ANK1: variants seen among roughly 807,000 people sequenced by gnomAD.
ANK1 encodes ankyrin-1.
Under a neutral mutation model 210.4 loss-of-function variants are expected in ANK1, and 51 were observed. That is an observed-to-expected ratio of 0.24 (90% CI 0.19 to 0.31). The LOEUF (loss-of-function observed/expected upper bound fraction) is 0.31, where lower values mean the gene tolerates loss of function less well. Ranked by LOEUF, ANK1 falls within the 10% of genes least tolerant of loss-of-function variation. The pLI is 1.00. For synonymous variants in ANK1, 967 were observed against 1,025.9 expected (o/e 0.94, Z 1.10); for missense variants, 2,051 against 2,504.4 (o/e 0.82, Z 3.86).
At chr8:41,879,224 G>A (rs1229452405) in intron 1 of ANK1, among the ~76,000 whole-genome samples, 1 of 151,998 alleles carries the variant, frequency 6.6e-6, no homozygotes, top group Non-Finnish European at 1.5e-5. Flanking sequence ...TAATCAGTGG[G>A]GACCCCAGCT....
rs547425838 is a variant in ANK1 at position 41,766,859 on chromosome 8, C to T, written c.28-8722G>A. Among the ~76,000 whole-genome samples, 269 of 152,310 alleles carry T rather than the reference C, an allele frequency of 1.8e-3. 1 individual carries two copies. The highest frequency in any genetic ancestry group is 2.2e-3 in the Non-Finnish European group (153 of 68,024). The stretch of plus-strand genomic sequence containing the variant: ...TTCCTGCTACCTGGGGGCCTCCGGG[C>T]GCCTCACGTTTCTGAGTTTTAGGGG... On this transcript the variant is annotated intron_variant, in intron 1 of 42. Coordinates refer to ENST00000289734, the MANE Select transcript of ANK1 (RefSeq NM_000037.4).
At chr8:41,833,383 G>T (rs964892785) in intron 1 of ANK1, among the ~76,000 whole-genome samples, 1 of 152,204 alleles carries the variant, frequency 6.6e-6, no homozygotes, top group Non-Finnish European at 1.5e-5. Flanking sequence ...TGTAGGGAAG[G>T]GGGTGGTGCC....
Position 41,653,665 on chromosome 8 carries a change from ATCGG to A in ANK1, c.*2121_*2124del, listed in dbSNP as rs1804775126. The stretch of plus-strand genomic sequence containing the variant: ...CCCAGCTTCCTTGGGCCGTCACCGA[ATCGG>A]TCCCAGCCGCGCTGTGCGGCCCCCC... On this transcript the variant is annotated 3_prime_UTR_variant, in exon 43 of 43. Coordinates refer to ENST00000289734, the MANE Select transcript of ANK1 (RefSeq NM_000037.4). 6.6e-6 allele frequency: 1 copy of A among 152,364 alleles called. No individual in the cohort carries two copies. The highest frequency in any genetic ancestry group is 2.4e-5 in the African/African-American group (1 of 41,454). The allele number at this position is 152,364 out of a possible 1,614,324, so 9.4% of individuals were successfully genotyped here.
intron 1 of ANK1, among the ~76,000 whole-genome samples, chr8:41,813,880 T>C (rs1802872788): frequency 6.6e-6 from 1 of 152,106 alleles, no homozygotes; most frequent in Non-Finnish European, 1.5e-5. Context: ...ACCACATCAG[T>C]TGTTTGTTTT....
At chr8:41,740,051 C>A (rs550963611) in intron 2 of ANK1, among the ~76,000 whole-genome samples, 5 of 152,114 alleles carry the variant, frequency 3.3e-5, no homozygotes, top group African/African-American at 9.6e-5. Context: ...CAATCCTTCC[C>A]CCTTCTCTGT....
intron 33 of ANK1, among the ~76,000 whole-genome samples, chr8:41,689,704 T>C (rs1379803092): frequency 1.3e-5 from 2 of 152,182 alleles, no homozygotes; most frequent in East Asian, 1.9e-4. Context: ...AAGACTCCTT[T>C]GCTGAGCTCA....
At chr8:41,760,433 T>C (rs57422201) in intron 1 of ANK1, among the ~76,000 whole-genome samples, 1,762 of 152,328 alleles carry the variant, frequency 0.012, 36 homozygotes, top group African/African-American at 0.041. Context: ...TCTGCCATGA[T>C]TGTAAGGCCT....
chr8:41,794,000 T>C (rs537743079), intron 1 of ANK1, among the ~76,000 whole-genome samples: 1 of 152,318 alleles, frequency 6.6e-6, no homozygotes, highest in South Asian at 2.1e-4. Context: ...TGAGAACGGT[T>C]GTACTACAAT....
chr8:41,891,510 C>T (rs977474820), intron 1 of ANK1, among the ~76,000 whole-genome samples: 5 of 152,180 alleles, frequency 3.3e-5, no homozygotes, highest in Non-Finnish European at 5.9e-5. Context: ...TCACAGTCAC[C>T]CTTCACAGAG....
chr8:41,773,467 C>T (rs1843367248), intron 1 of ANK1, among the ~76,000 whole-genome samples: 1 of 152,176 alleles, frequency 6.6e-6, no homozygotes, highest in African/African-American at 2.4e-5. Flanking sequence ...AGGGGTTCCC[C>T]TTATTCCTGG....
At chr8:41,789,890 C>T (rs538771918) in intron 1 of ANK1, among the ~76,000 whole-genome samples, 1 of 152,310 alleles carries the variant, frequency 6.6e-6, no homozygotes, top group Admixed American at 6.5e-5. Context: ...TAATTCCACA[C>T]ACAAGGTTTG....
chr8:41,774,010 C>G (rs868574956), intron 1 of ANK1, among the ~76,000 whole-genome samples: 1 of 152,210 alleles, frequency 6.6e-6, no homozygotes, highest in Middle Eastern at 3.2e-3. Flanking sequence ...GCTTCAGTAT[C>G]TGTGTCTCTT....
chr8:41,695,901 G>C (rs1820771604), intron 26 of ANK1, among the ~76,000 whole-genome samples: 1 of 152,228 alleles, frequency 6.6e-6, no homozygotes, highest in East Asian at 1.9e-4. Flanking sequence ...TGGAGCACAG[G>C]CCTCTGGAGC....
intron 1 of ANK1, among the ~76,000 whole-genome samples, chr8:41,783,008 A>G (rs1845648394): frequency 6.6e-6 from 1 of 152,202 alleles, no homozygotes; most frequent in Admixed American, 6.5e-5. Flanking sequence ...TCTCATTTCC[A>G]CAGAGAGCTG....
At position 41,804,926 on chromosome 8, in the gene ANK1, A is replaced by G. The variant is rs183628872; in HGVS notation, c.127-46789T>C. Reference sequence around the variant, plus strand: ...ACAACAGATGCTTAATTAATTTTTTAAAAATTCAAGGGTAAACTCCCACTC... The same window carrying G: ...ACAACAGATGCTTAATTAATTTTTTGAAAATTCAAGGGTAAACTCCCACTC... On this transcript the variant is annotated intron_variant, in intron 1 of 42. Transcript: ENST00000265709. Among the ~76,000 whole-genome samples the G allele has an allele frequency of 1.1e-4, 17 of 152,316 alleles. 2 individuals carry two copies. Among genetic ancestry groups the G allele is most frequent in the African/African-American group, 4.1e-4 (17 of 41,564 alleles).
intron 1 of ANK1, among the ~76,000 whole-genome samples, chr8:41,791,366 G>C (rs1161818954): frequency 6.7e-6 from 1 of 149,414 alleles, no homozygotes; most frequent in South Asian, 2.1e-4. Flanking sequence ...ATGGGGTTTT[G>C]CCATGTTGGC....
chr8:41,712,684 G>A (rs780907754), intron 16 of ANK1, among the ~76,000 whole-genome samples: 1 of 152,336 alleles, frequency 6.6e-6, no homozygotes, highest in South Asian at 2.1e-4. Flanking sequence ...TTAGAAAGGG[G>A]AGGGTTTGGT....
At chr8:41,664,554 G>A (rs1221897318) in intron 39 of ANK1, among the ~76,000 whole-genome samples, 3 of 152,082 alleles carry the variant, frequency 2.0e-5, no homozygotes, top group Non-Finnish European at 2.9e-5. Context: ...CAGGATGAGC[G>A]CAGCCTCCCG....
chr8:41,673,777 C>A (rs1215809295), intron 37 of ANK1, among the ~76,000 whole-genome samples: 3 of 152,208 alleles, frequency 2.0e-5, no homozygotes, highest in Non-Finnish European at 4.4e-5. Flanking sequence ...GACTCTGATG[C>A]CCCTTCAGAG....
Sources: allele counts gnomAD v4.1 joint callset (sites outside exome capture counted in the v4.1 genomes callset), GRCh38; gene constraint gnomAD v4.1.1; transcripts MANE v1.5; gene names NCBI Gene and HGNC (gene_info 2026-07-23, HGNC 2026-07-21).